The following THSD7B variants were observed in gnomAD, a reference collection of about 807,000 sequenced individuals.
THSD7B encodes thrombospondin type 1 domain containing 7B, also known as thrombospondin type-1 domain-containing protein 7B.
A neutral mutation model predicts 213.6 loss-of-function variants in THSD7B; 138 were observed. That is an observed-to-expected ratio of 0.65 (90% confidence interval 0.56 to 0.74). The LOEUF (loss-of-function observed/expected upper bound fraction) is 0.74. THSD7B is among the 30% of genes least tolerant of loss of function. The pLI is 0.00. For missense variants in THSD7B, 1,931 were observed against 1,991.5 expected (o/e 0.97, Z 0.58); for synonymous variants, 742 against 687.0 (o/e 1.08, Z -1.25).
At chr2:137,423,353 T>C (rs550083971) in intron 14 of THSD7B, among the ~76,000 whole-genome samples, 1 of 152,138 alleles carries the variant, frequency 6.6e-6, no homozygotes, top group East Asian at 1.9e-4. Context: ...TTAAACTACA[T>C]CTATTGGCAG....
At chr2:137,275,654 T>C (rs1481873107) in intron 11 of THSD7B, among the ~76,000 whole-genome samples, 1 of 152,016 alleles carries the variant, frequency 6.6e-6, no homozygotes, top group Non-Finnish European at 1.5e-5. Context: ...AACCAAAGTT[T>C]ATGTGTAAAA....
intron 20 of THSD7B, among the ~76,000 whole-genome samples, chr2:137,622,045 G>A (rs548549265): frequency 1.3e-4 from 20 of 152,310 alleles, no homozygotes; most frequent in African/African-American, 4.6e-4. Flanking sequence ...CTCGCCCCCA[G>A]GGAGGGCATT....
intron 5 of THSD7B, among the ~76,000 whole-genome samples, chr2:137,115,730 G>T (rs569063625): frequency 6.6e-6 from 1 of 151,970 alleles, no homozygotes; most frequent in Non-Finnish European, 1.5e-5. Context: ...GGGTTTTGTC[G>T]CCAAGTTTTA....
At chr2:137,049,245 G>C (rs990696843) in intron 2 of THSD7B, among the ~76,000 whole-genome samples, 1 of 152,046 alleles carries the variant, frequency 6.6e-6, no homozygotes, top group African/African-American at 2.4e-5. Flanking sequence ...CGGGGCCTTC[G>C]GCCCCACACA....
At chr2:137,550,908 C>G (rs1245191530) in intron 15 of THSD7B, among the ~76,000 whole-genome samples, 1 of 151,930 alleles carries the variant, frequency 6.6e-6, no homozygotes, top group East Asian at 1.9e-4. Flanking sequence ...ACCTGGGTAA[C>G]AAATTCGTCT....
intron 10 of THSD7B, among the ~76,000 whole-genome samples, chr2:137,244,479 T>C (rs1032636674): frequency 4.6e-5 from 7 of 152,300 alleles, no homozygotes; most frequent in Admixed American, 4.6e-4. Flanking sequence ...CCACCTATTC[T>C]ACATTCAAGA....
At chr2:136,928,052 A>G (rs962685240) in intron 2 of THSD7B, among the ~76,000 whole-genome samples, 1 of 152,160 alleles carries the variant, frequency 6.6e-6, no homozygotes, top group African/African-American at 2.4e-5. Flanking sequence ...AGTTTTTAAT[A>G]CAGATGCTCC....
chr2:137,396,369 G>T (rs1442167577), intron 12 of THSD7B, among the ~76,000 whole-genome samples: 7 of 143,750 alleles, frequency 4.9e-5, no homozygotes, highest in African/African-American at 1.8e-4. Context: ...TTGTGTCTTT[G>T]TTCTCATTGG....
At chr2:137,561,186 G>A (rs1422495632) in intron 15 of THSD7B, among the ~76,000 whole-genome samples, 1 of 152,186 alleles carries the variant, frequency 6.6e-6, no homozygotes, top group Non-Finnish European at 1.5e-5. Context: ...TGCTGCAGGT[G>A]CAGACAACTG....
At chr2:137,508,197 G>C (rs542248481) in intron 15 of THSD7B, among the ~76,000 whole-genome samples, 3 of 152,092 alleles carry the variant, frequency 2.0e-5, no homozygotes, top group Admixed American at 1.3e-4. Context: ...CTGTCCACTT[G>C]TATTTACTTT....
chr2:137,639,684 T>C (rs573211601), intron 20 of THSD7B, among the ~76,000 whole-genome samples: 9 of 152,232 alleles, frequency 5.9e-5, no homozygotes, highest in African/African-American at 1.9e-4. Flanking sequence ...CCCAAGACCA[T>C]GGCAACCCAC....
intron 6 of THSD7B, among the ~76,000 whole-genome samples, chr2:137,161,488 G>C (rs1680018399): frequency 6.6e-6 from 1 of 152,092 alleles, no homozygotes; most frequent in Non-Finnish European, 1.5e-5. Context: ...GTAATTCCTA[G>C]AGTGCTCATA....
chr2:137,372,519 G>T (rs942241430), intron 12 of THSD7B, among the ~76,000 whole-genome samples: 4 of 151,334 alleles, frequency 2.6e-5, no homozygotes, highest in Non-Finnish European at 4.4e-5. Flanking sequence ...TACATATAAG[G>T]TATACATTGC....
At chr2:137,655,428 A>C in intron 21 of THSD7B, 73 bp from the exon 22 acceptor site, 5 of 1,474,620 alleles carry the variant, frequency 3.4e-6, no homozygotes, top group Non-Finnish European at 4.6e-6. Context: ...TTCTTAGGCA[A>C]GAGGTGGCAA....
chr2:137,368,363 T>A (rs926903251), intron 12 of THSD7B, among the ~76,000 whole-genome samples: 2 of 152,088 alleles, frequency 1.3e-5, no homozygotes, highest in African/African-American at 4.8e-5. Context: ...CACTTAAAAA[T>A]TTTTTAAAAA....
chr2:137,502,500 T>A (rs1266831128), intron 15 of THSD7B, among the ~76,000 whole-genome samples: 1 of 152,058 alleles, frequency 6.6e-6, no homozygotes, highest in Non-Finnish European at 1.5e-5. Context: ...ATCTCAAGGG[T>A]GAAATGAATA....
chr2:136,811,725 C>T (rs1474073936), intron 1 of THSD7B, among the ~76,000 whole-genome samples: 1 of 152,042 alleles, frequency 6.6e-6, no homozygotes, highest in Non-Finnish European at 1.5e-5. Context: ...AATTATTTTC[C>T]ATTATTTCAC....
In THSD7B at chr2:137,616,274, C is replaced by T. The variant is rs766202179; in HGVS notation, c.3523C>T (p.Leu1175Phe). Residue 1175 changes from leucine to phenylalanine, a missense_variant, in exon 18 of 28, where the codon CTC becomes TTC. Transcript: ENST00000409968. ...TGAAGACTCACAGGTGCAGCCTTGC[C>T]TCCTGAATGAAAATTGCTTCCAGTT... The part of the protein sequence containing the change: ...CAEDSQVQPC[L>F]LNENCFQFQY... 1.2e-6 allele frequency: 2 copies of T among 1,613,554 alleles called. No homozygotes were observed. The highest frequency in any genetic ancestry group is 2.7e-5 in the African/African-American group (2 of 74,882).
intron 2 of THSD7B, among the ~76,000 whole-genome samples, chr2:136,915,508 G>T (rs1326307807): frequency 6.6e-6 from 1 of 152,150 alleles, no homozygotes; most frequent in Non-Finnish European, 1.5e-5. Context: ...TTTCTTTCTA[G>T]ACCTGTTTGA....
Sources: gnomAD v4.1 joint callset for allele counts (sites outside exome capture counted in the v4.1 genomes callset) on GRCh38, gnomAD v4.1.1 for gene constraint, MANE v1.5 for transcripts, NCBI Gene and HGNC (gene_info 2026-07-23, HGNC 2026-07-21) for gene names.